Variants in SLC6A3 observed in about 807,000 individuals in gnomAD.
SLC6A3 encodes solute carrier family 6 member 3.
A neutral mutation model predicts 70.4 loss-of-function variants in SLC6A3; 19 were observed. That is an observed-to-expected ratio of 0.27 (90% CI 0.19 to 0.40). The LOEUF (loss-of-function observed/expected upper bound fraction) is 0.40. SLC6A3 is among the 10% of genes least tolerant of loss of function. SLC6A3 has a pLI of 1.00. For missense variants in SLC6A3, 613 were observed against 838.5 expected (o/e 0.73, Z 3.32); for synonymous variants, 368 against 356.6 (o/e 1.03, Z -0.36).
At chr5:1,410,879 T>TGTGCGTGTGTGC (rs1756103449) in intron 9 of SLC6A3, among the ~76,000 whole-genome samples, 1 of 151,918 alleles carries the variant, frequency 6.6e-6, no homozygotes, top group Non-Finnish European at 1.5e-5. Flanking sequence ...TGCATGTGTG[T>TGTGCGTGTGTGC]ATGTGTGTGC....
Position 1,408,716 on chromosome 5 carries a change from G to T in SLC6A3, c.1498+310C>A, listed in dbSNP as rs1358388078. 3.9e-5 allele frequency among the ~76,000 whole-genome samples: 6 copies of T among 152,234 alleles called. 1 individual carries two copies. Among genetic ancestry groups the T allele is most frequent in the Non-Finnish European group, 7.3e-5 (5 of 68,046 alleles). Reference sequence around the variant, plus strand: ...ACATCCCTGCTGAAACCCCAGCATGGATCTGATTGTGTTCCCCTGGGTGGG... The same window carrying T: ...ACATCCCTGCTGAAACCCCAGCATGTATCTGATTGTGTTCCCCTGGGTGGG... On this transcript the variant is annotated intron_variant, in intron 11 of 14. Transcript: ENST00000270349. This position sits in a 1 kb window ranked among gnomAD's most constrained non-coding sequence, Gnocchi z 6.4.
chr5:1,427,595 C>T (rs867268166), intron 4 of SLC6A3, among the ~76,000 whole-genome samples: 3 of 152,128 alleles, frequency 2.0e-5, no homozygotes, highest in South Asian at 4.1e-4. Flanking sequence ...ACAACCAACT[C>T]GATGGTGTCT....
chr5:1,431,274 C>T (rs576709577), intron 4 of SLC6A3, among the ~76,000 whole-genome samples: 4 of 152,304 alleles, frequency 2.6e-5, no homozygotes, highest in South Asian at 2.1e-4. Context: ...CCATTGGTGA[C>T]GAGGGAGGGC....
chr5:1,436,115 A>C lies in SLC6A3; in HGVS notation c.419-3417T>G. ...CCTGGGTGAGGAAATGGCTCCCTTGAACGGTAGTGGCCACTGTCAGCACTG... is the reference window on the plus strand; with the variant it reads ...CCTGGGTGAGGAAATGGCTCCCTTGCACGGTAGTGGCCACTGTCAGCACTG... On this transcript the variant is annotated intron_variant, in intron 3 of 14. Coordinates refer to ENST00000270349, the MANE Select transcript of SLC6A3 (RefSeq NM_001044.5). The surrounding 1 kb of genome is among the most constrained non-coding windows in gnomAD (Gnocchi z 5.2). Among the ~76,000 whole-genome samples, 1 of 152,276 alleles carries C rather than the reference A, an allele frequency of 6.6e-6. No individual in the cohort carries two copies. The highest frequency in any genetic ancestry group is 3.4e-3 in the Middle Eastern group (1 of 294).
chr5:1,398,301 C>A (rs1755769111), intron 14 of SLC6A3, among the ~76,000 whole-genome samples: 1 of 146,336 alleles, frequency 6.8e-6, no homozygotes. Context: ...GTGGAGGTTG[C>A]AGTGAGCAGA....
At chr5:1,441,594 G>T (rs541878846) in intron 2 of SLC6A3, 104 bp from the exon 3 acceptor site, 4 of 1,347,006 alleles carry the variant, frequency 3.0e-6, no homozygotes, top group African/African-American at 1.4e-5. Context: ...GTCCTGGCCC[G>T]ACCGTTTCAC....
In SLC6A3 at chr5:1,437,356, C is replaced by T. The variant is rs114431225; in HGVS notation, c.418+4003G>A. 2.0e-5 allele frequency among the ~76,000 whole-genome samples: 3 copies of T among 151,018 alleles called. No homozygotes were observed. Among genetic ancestry groups the T allele is most frequent in the Middle Eastern group, 3.4e-3 (1 of 292 alleles). ...TGTGCTTGCTGTGTGTGCATGTACC[C>T]GAGAGACAGAGAGGAGAAGAGACAG... On this transcript the variant is annotated intron_variant, in intron 3 of 14. Transcript: ENST00000270349. This position sits in a 1 kb window ranked among gnomAD's most constrained non-coding sequence, Gnocchi z 4.8.
rs1755955109 is a variant in SLC6A3, at chr5:1,405,599, G to A, written c.1599+589C>T. ...GTGGTTCAGTGGGGGAAGCACTGCA[G>A]GCAATCCCTAATGAAAGTGTGCGGC... On this transcript the variant is annotated intron_variant, in intron 12 of 14. Transcript: ENST00000270349. The surrounding 1 kb of genome is among the most constrained non-coding windows in gnomAD (Gnocchi z 5.3). Among the ~76,000 whole-genome samples the A allele has an allele frequency of 6.6e-6, 1 of 152,230 alleles. No individual in the cohort carries two copies. The highest frequency in any genetic ancestry group is 1.5e-5 in the Non-Finnish European group (1 of 68,048).
chr5:1,443,350 A>G, intron 1 of SLC6A3, 108 bp from the exon 2 acceptor site: 2 of 876,042 alleles, frequency 2.3e-6, no homozygotes, highest in Non-Finnish European at 3.7e-6. Flanking sequence ...ATTCACGGGC[A>G]TTCCTCTGGG....
chr5:1,434,724 T>C (rs1756788810), intron 3 of SLC6A3, among the ~76,000 whole-genome samples: 1 of 152,246 alleles, frequency 6.6e-6, no homozygotes, highest in Non-Finnish European at 1.5e-5. Flanking sequence ...CCGTCTTGCC[T>C]GTTCATGGCC....
chr5:1,400,925 C>T lies in SLC6A3; in HGVS notation c.1829G>A (p.Arg610His), dbSNP rs200431667. The change falls in exon 14 of 15, where the codon CGC (arginine) becomes CAC (histidine). Residue 610 changes from arginine (R) to histidine (H), a missense_variant. Arg to His is a conservative substitution (Grantham distance 29). Around this residue, in one of 4 missense-constraint regions of SLC6A3, gnomAD observed 348 missense variants for 481.2 expected, o/e 0.72. Transcript: ENST00000270349. ...GGACCTCGACCTCACCGTGAACTGG[C>T]GCACCTCCCCTCTGTCCACCAGCTC... ...DRELVDRGEV[R>H]QFTLRHWLKV 3.5e-5 allele frequency: 55 copies of T among 1,586,834 alleles called. No homozygotes were observed. Among genetic ancestry groups the T allele is most frequent in the Non-Finnish European group, 4.2e-5 (49 of 1,164,048 alleles).
chr5:1,444,102 T>C lies in SLC6A3; in HGVS notation c.-45-860A>G, dbSNP rs962062397. ...CCATCACAACTGCTTCCTCAAAAAGTGTCTGTACAAGCCACATCCACCTAG... is the reference window on the plus strand; with the variant it reads ...CCATCACAACTGCTTCCTCAAAAAGCGTCTGTACAAGCCACATCCACCTAG... On this transcript the variant is annotated intron_variant, in intron 1 of 14. Coordinates refer to ENST00000270349, the MANE Select transcript of SLC6A3 (RefSeq NM_001044.5). Among the ~76,000 whole-genome samples, 28 of 152,148 alleles carry C rather than the reference T, an allele frequency of 1.8e-4. 1 individual carries two copies.
intron 7 of SLC6A3, among the ~76,000 whole-genome samples, chr5:1,415,315 G>A (rs1756261733): frequency 6.6e-6 from 1 of 152,166 alleles, no homozygotes; most frequent in Non-Finnish European, 1.5e-5. Context: ...GGGTCCTGGG[G>A]TCGGTCAGGG....
At position 1,437,368 on chromosome 5, in the gene SLC6A3, A is replaced by G. The variant is rs1756863871; in HGVS notation, c.418+3991T>C. ...GTGTGCATGTACCCGAGAGACAGAG[A>G]GGAGAAGAGACAGAACAGGAGAGAG... is the stretch of plus-strand genomic sequence containing the variant. On this transcript the variant is annotated intron_variant, in intron 3 of 14. Transcript: ENST00000270349. The surrounding 1 kb of genome is among the most constrained non-coding windows in gnomAD (Gnocchi z 4.8). Among the ~76,000 whole-genome samples the G allele has an allele frequency of 6.6e-6, 1 of 152,018 alleles. No individual in the cohort carries two copies. The highest frequency in any genetic ancestry group is 2.4e-5 in the African/African-American group (1 of 41,370).
chr5:1,433,215 A>AATC (rs1230109012), intron 3 of SLC6A3, among the ~76,000 whole-genome samples: 1 of 152,116 alleles, frequency 6.6e-6, no homozygotes, highest in Non-Finnish European at 1.5e-5. Context: ...AAACCATCAG[A>AATC]ATCATCCACG....
chr5:1,419,589 C>CT (rs1208235180), intron 6 of SLC6A3, among the ~76,000 whole-genome samples: 12 of 152,206 alleles, frequency 7.9e-5, no homozygotes, highest in African/African-American at 2.4e-4. Flanking sequence ...TCATTTTGGC[C>CT]TTTCTGGGGT....
chr5:1,428,326 G>C (rs929590178), intron 4 of SLC6A3, among the ~76,000 whole-genome samples: 7 of 152,170 alleles, frequency 4.6e-5, no homozygotes, highest in Non-Finnish European at 1.0e-4. Context: ...ATCAAACTTT[G>C]TGGGATGCAG....
At position 1,421,978 on chromosome 5, in the gene SLC6A3, G is replaced by A. The variant is rs764881650; in HGVS notation, c.690C>T (p.Ile230=). The A allele has an allele frequency of 9.9e-6, 16 of 1,612,758 alleles. No homozygotes were observed. In the East Asian group the frequency reaches 2.5e-4, roughly 25 times the overall value. Reference sequence around the variant, plus strand: ...GCCACCGCGGAGGCCCCAGGTCGTCGATGCCATGGCTCTGGTGGAGGTGCA... The same window carrying A: ...GCCACCGCGGAGGCCCCAGGTCGTCAATGCCATGGCTCTGGTGGAGGTGCA... ...GVLHLHQSHG[I]DDLGPPRWQL... Residue 230 remains isoleucine (I), a synonymous_variant, in exon 5 of 15, where the codon ATC becomes ATT. Coordinates refer to ENST00000270349, the MANE Select transcript of SLC6A3 (RefSeq NM_001044.5). This position sits in a 1 kb window ranked among gnomAD's most constrained non-coding sequence, Gnocchi z 7.2.
chr5:1,416,062 T>C, intron 7 of SLC6A3, 36 bp downstream of exon 7: 1 of 1,481,454 alleles, frequency 6.8e-7, no homozygotes, highest in Non-Finnish European at 9.4e-7. Flanking sequence ...TCCCTAGTAT[T>C]GATGAGGCCC....
Sources: allele counts gnomAD v4.1 joint callset (sites outside exome capture counted in the v4.1 genomes callset), GRCh38; gene constraint gnomAD v4.1.1; regional missense constraint gnomAD v4.1.1; non-coding constraint Gnocchi (gnomAD v3.1); transcripts MANE v1.5; gene names NCBI Gene and HGNC (gene_info 2026-07-23, HGNC 2026-07-21).